Variants in ARL13B observed in about 807,000 individuals in gnomAD.
ARL13B encodes the protein ADP-ribosylation factor-like protein 13B.
ARL13B carries 36 observed loss-of-function variants against 56.1 expected under a neutral mutation model. That is an observed-to-expected ratio of 0.64 (90% CI 0.49 to 0.85). The LOEUF is 0.85. Ranked by LOEUF, ARL13B falls within the 40% of genes least tolerant of loss-of-function variation. The pLI is 0.00. For missense variants in ARL13B, 519 were observed against 507.1 expected (o/e 1.02, Z -0.23); for synonymous variants, 178 against 171.1 (o/e 1.04, Z -0.32).
chr3:94,009,548 C>A (rs1255887023), intron 3 of ARL13B, among the ~76,000 whole-genome samples: 1 of 151,962 alleles, frequency 6.6e-6, no homozygotes, highest in African/African-American at 2.4e-5. Flanking sequence ...GAATCTGAGT[C>A]CTGTTTTAGA....
At chr3:93,996,284 T>A (rs555389122) in intron 2 of ARL13B, among the ~76,000 whole-genome samples, 1 of 152,286 alleles carries the variant, frequency 6.6e-6, no homozygotes, top group South Asian at 2.1e-4. Flanking sequence ...ACTTACATTT[T>A]CCTGGCCAGA....
At chr3:93,981,110 G>T (rs1710194567) in intron 1 of ARL13B, among the ~76,000 whole-genome samples, 2 of 152,140 alleles carry the variant, frequency 1.3e-5, no homozygotes, top group South Asian at 4.1e-4. Flanking sequence ...AATTGAAAGG[G>T]TCCACTTTTT....
chr3:94,026,525 G>A (rs1479206759), intron 3 of ARL13B, among the ~76,000 whole-genome samples: 2 of 152,078 alleles, frequency 1.3e-5, no homozygotes, highest in Non-Finnish European at 2.9e-5. Flanking sequence ...ATAACTATAT[G>A]TATAACTATC....
intron 3 of ARL13B, among the ~76,000 whole-genome samples, chr3:94,006,629 A>T (rs1207656532): frequency 6.6e-6 from 1 of 152,094 alleles, no homozygotes; most frequent in Non-Finnish European, 1.5e-5. Context: ...TCTTTATTTG[A>T]TATTTTTCAG....
chr3:94,006,450 TTAC>T (rs775095796), intron 3 of ARL13B, among the ~76,000 whole-genome samples: 8 of 152,174 alleles, frequency 5.3e-5, no homozygotes, highest in Non-Finnish European at 1.2e-4. Flanking sequence ...TGTTACTGTC[TTAC>T]TATCGTTTGA....
In ARL13B at chr3:94,044,808, T is replaced by A. The variant is rs544512653; in HGVS notation, c.1024+1568T>A. On this transcript the variant is annotated intron_variant, in intron 7 of 9. Coordinates refer to ENST00000394222, the MANE Select transcript of ARL13B (RefSeq NM_001174150.2). ...GGAGCGCCTCTGCCCGGCCGCGCCG[T>A]CTGGGAAGTGGGGAGCGCCTCTGCC... 1.2e-3 allele frequency among the ~76,000 whole-genome samples: 165 copies of A among 133,762 alleles called. 1 individual carries two copies. The highest frequency in any genetic ancestry group is 4.5e-3 in the African/African-American group (155 of 34,184). The allele number at this position is 133,762 out of a possible 152,430, so 87.8% of individuals were successfully genotyped here.
chr3:94,046,300 T>A (rs2107178182), intron 7 of ARL13B, among the ~76,000 whole-genome samples: 1 of 152,258 alleles, frequency 6.6e-6, no homozygotes, highest in Middle Eastern at 3.4e-3. Flanking sequence ...CTCCACCTCA[T>A]CTCCTGGCAA....
intron 3 of ARL13B, among the ~76,000 whole-genome samples, chr3:94,031,773 A>C (rs2076680721): frequency 6.6e-6 from 1 of 152,218 alleles, no homozygotes; most frequent in Admixed American, 6.5e-5. Context: ...ATTGTAACCA[A>C]AGTAGCATGG....
chr3:94,004,746 CAA>C (rs1304203530), intron 3 of ARL13B, among the ~76,000 whole-genome samples: 1 of 151,540 alleles, frequency 6.6e-6, no homozygotes, highest in Admixed American at 6.6e-5. Context: ...GCTCTGATTG[CAA>C]AAGTTAAAAC....
At chr3:94,030,143 A>C in intron 3 of ARL13B, among the ~76,000 whole-genome samples, 1 of 152,180 alleles carries the variant, frequency 6.6e-6, no homozygotes, top group Non-Finnish European at 1.5e-5. Flanking sequence ...AGGGAAGGGA[A>C]GGAAAAGGCA....
chr3:94,051,376 A>G (rs1052029927), intron 9 of ARL13B, among the ~76,000 whole-genome samples: 2 of 152,128 alleles, frequency 1.3e-5, no homozygotes, highest in African/African-American at 4.8e-5. Flanking sequence ...ATCAGAGATC[A>G]AATCAGTAAA....
At position 94,035,429 on chromosome 3, in the gene ARL13B, G is replaced by A. The variant is rs757417843; in HGVS notation, c.479G>A (p.Cys160Tyr). Residue 160 changes from cysteine (C) to tyrosine (Y), a missense_variant, in exon 4 of 10, where the codon TGT becomes TAT. Physicochemically the swap from Cys to Tyr is radical, Grantham distance 194. Coordinates refer to ENST00000394222, the MANE Select transcript of ARL13B (RefSeq NM_001174150.2). The stretch of plus-strand genomic sequence containing the variant: ...TTGGTCAATGAGCACAAGTGCCTGT[G>A]TCAGATAGTAAGGTTTTTTTTTTTT... The part of the protein sequence containing the change: ...EKLVNEHKCL[C>Y]QIEPCSAISG... 2.6e-6 allele frequency: 4 copies of A among 1,562,942 alleles called. No individual in the cohort carries two copies. Among genetic ancestry groups the A allele is most frequent in the Non-Finnish European group, 3.5e-6 (4 of 1,148,216 alleles).
intron 3 of ARL13B, among the ~76,000 whole-genome samples, chr3:94,017,257 T>C (rs2076352659): frequency 6.6e-6 from 1 of 152,196 alleles, no homozygotes; most frequent in African/African-American, 2.4e-5. Context: ...CAAAGGTCTG[T>C]GTATGCAAGT....
At chr3:93,996,388 A>C (rs559825422) in intron 2 of ARL13B, among the ~76,000 whole-genome samples, 111 of 152,252 alleles carry the variant, frequency 7.3e-4, no homozygotes, top group African/African-American at 2.6e-3. Context: ...CAATATAAGT[A>C]ATTTTTATAA....
chr3:93,998,851 GTCT>G (rs915019910), intron 2 of ARL13B, among the ~76,000 whole-genome samples: 2 of 150,812 alleles, frequency 1.3e-5, no homozygotes, highest in Admixed American at 1.3e-4. Flanking sequence ...ATGCGCCTAG[GTCT>G]TCTTAAAACA....
intron 3 of ARL13B, among the ~76,000 whole-genome samples, chr3:94,029,874 G>A (rs1267045860): frequency 1.3e-5 from 2 of 152,050 alleles, no homozygotes; most frequent in Non-Finnish European, 2.9e-5. Flanking sequence ...CTGCTTCAGG[G>A]TACTTCAAAA....
intron 3 of ARL13B, among the ~76,000 whole-genome samples, chr3:94,004,293 CAG>C (rs2107438609): frequency 6.6e-6 from 1 of 152,038 alleles, no homozygotes; most frequent in African/African-American, 2.4e-5. Context: ...GTTATTATTT[CAG>C]AGTTATGTAA....
intron 3 of ARL13B, among the ~76,000 whole-genome samples, chr3:94,022,271 G>A (rs372457831): frequency 4.0e-5 from 6 of 151,874 alleles, no homozygotes; most frequent in Admixed American, 6.6e-5. Flanking sequence ...AATTACAGGC[G>A]CCTGCCACCA....
At chr3:94,032,320 A>G (rs2076690174) in intron 3 of ARL13B, among the ~76,000 whole-genome samples, 1 of 152,368 alleles carries the variant, frequency 6.6e-6, no homozygotes, top group African/African-American at 2.4e-5. Flanking sequence ...ATGCCTAATC[A>G]GAGAAATGCA....
Sources: gnomAD v4.1 joint callset for allele counts (sites outside exome capture counted in the v4.1 genomes callset) on GRCh38, gnomAD v4.1.1 for gene constraint, MANE v1.5 for transcripts, NCBI Gene and HGNC (gene_info 2026-07-23, HGNC 2026-07-21) for gene names.